Variants in FGD1 observed in about 807,000 individuals in gnomAD.
FGD1 encodes FYVE, RhoGEF and PH domain-containing protein 1.
In FGD1, 12 loss-of-function variants were observed where a neutral mutation model predicts 65.0. The observed-to-expected ratio is 0.18, with a 90% CI of 0.12 to 0.30. The LOEUF is 0.30. Ranked by LOEUF, FGD1 falls within the 10% of genes least tolerant of loss-of-function variation. The probability of loss-of-function intolerance (pLI) is 1.00; values close to 1 mark genes in which losing one functional copy is unlikely to be tolerated. For missense variants in FGD1, 542 were observed against 837.6 expected (o/e 0.65, Z 4.36); for synonymous variants, 333 against 343.9 (o/e 0.97, Z 0.35).
Position 54,470,120 on chromosome X carries a change from G to T in FGD1, c.997C>A (p.Gln333Lys). Residue 333 changes from glutamine to lysine, a missense_variant, in exon 4 of 18, where the codon CAA (glutamine) becomes AAA (lysine). By Grantham distance (53) the Gln-to-Lys change is moderately conservative. This residue lies in a region of FGD1 where 297 missense variants were observed against 326.8 expected (regional missense o/e 0.91). Coordinates refer to ENST00000375135, the MANE Select transcript of FGD1 (RefSeq NM_004463.3). The stretch of plus-strand genomic sequence containing the variant: ...TCCTCCAGGTCACTGTCAACCTCTT[G>T]GGAGCCAGGCCGGTGGGGGTCGGCC... Reference protein sequence around the residue: ...ALADPHRPGSQEVDSDLEEED... With the variant: ...ALADPHRPGSKEVDSDLEEED... 1 of 1,210,630 alleles carries T rather than the reference G, an allele frequency of 8.3e-7. No individual in the cohort carries two copies. The highest frequency in any genetic ancestry group is 1.1e-6 in the Non-Finnish European group (1 of 894,840).
intron 1 of FGD1, among the ~76,000 whole-genome samples, chrX:54,488,031 C>T (rs1384650162): frequency 2.8e-5 from 3 of 106,905 alleles, no homozygotes; most frequent in Non-Finnish European, 5.8e-5. Context: ...TTTGGGAGGC[C>T]GAGGCGGGCA....
At position 54,465,844 on chromosome X, in the gene FGD1, T is replaced by C. The variant is rs753921961; in HGVS notation, c.1349A>G (p.Tyr450Cys). ...LEKRMEEWDR[Y>C]PRIGDILQKL... Reference sequence around the variant, plus strand: ...CTGCAGGATGTCTCCAATGCGTGGATAGCGGTCCCTGGGGTGGAATTAGGG... The same window carrying C: ...CTGCAGGATGTCTCCAATGCGTGGACAGCGGTCCCTGGGGTGGAATTAGGG... Residue 450 changes from tyrosine (Y) to cysteine (C), a missense_variant, in exon 7 of 18, where the codon TAT becomes TGT. Tyr to Cys is a radical substitution (Grantham distance 194, BLOSUM62 -2). Around this residue, in one of 6 missense-constraint regions of FGD1, gnomAD observed 41 missense variants for 109.5 expected, o/e 0.37. Coordinates refer to ENST00000375135, the MANE Select transcript of FGD1 (RefSeq NM_004463.3). 8.3e-7 allele frequency: 1 copy of C among 1,211,550 alleles called. No individual in the cohort carries two copies. The highest frequency in any genetic ancestry group is 3.0e-5 in the East Asian group (1 of 33,831).
In FGD1 at chrX:54,453,008, TC is replaced by T. The variant is rs1246651618; in HGVS notation, c.2015+2439del. Among the ~76,000 whole-genome samples, 17 of 111,948 alleles carry T rather than the reference TC, an allele frequency of 1.5e-4. No homozygotes were observed. In the South Asian group the frequency reaches 6.4e-3, roughly 42 times the overall value. Reference sequence around the variant, plus strand: ...GAAAATTTGCATTAAATTTCTTTTTTCTTTTAAGGGCAGTAAAAGTGACTGC... The same window carrying T: ...GAAAATTTGCATTAAATTTCTTTTTTTTTTAAGGGCAGTAAAAGTGACTGC... On this transcript the variant is annotated intron_variant, in intron 12 of 17. Transcript: ENST00000375135.
chrX:54,483,510 C>T (rs975797985), intron 1 of FGD1, among the ~76,000 whole-genome samples: 3 of 112,581 alleles, frequency 2.7e-5, no homozygotes, highest in Non-Finnish European at 5.6e-5. Flanking sequence ...AGGCGCCTTC[C>T]CTCCGCGATT....
rs1379148928 is a variant in FGD1 at position 54,471,470 on chromosome X, G to T, written c.325C>A (p.Arg109=). 1.7e-6 allele frequency: 2 copies of T among 1,210,975 alleles called. No homozygotes were observed. The highest frequency in any genetic ancestry group is 2.2e-6 in the Non-Finnish European group (2 of 895,100). ...AGGGACAAACTTTTAACCAGGATCC[G>T]GTTTCCCTGGTGCAGCCCTGCAGGA... ...QPRPGLHQGN[R]ILVKSLSLDP... is the part of the protein sequence containing the mutation. Residue 109 remains arginine, a synonymous_variant, in exon 2 of 18, where the codon CGG becomes AGG. Coordinates refer to ENST00000375135, the MANE Select transcript of FGD1 (RefSeq NM_004463.3).
chrX:54,449,305 A>C (rs1007652169), intron 14 of FGD1, 37 bp from the exon 15 acceptor site: 3 of 1,205,155 alleles, frequency 2.5e-6, no homozygotes, highest in Non-Finnish European at 3.4e-6. Flanking sequence ...AGAGACAGCT[A>C]CTCCCCAGCC....
chrX:54,459,400 G>A (rs1371604256), intron 8 of FGD1, among the ~76,000 whole-genome samples: 1 of 110,896 alleles, frequency 9.0e-6, no homozygotes, highest in Admixed American at 9.7e-5. Flanking sequence ...GCGTTAGTGG[G>A]GCCTGGTCTG....
In FGD1 at chrX:54,496,167, G is replaced by T. The variant is rs1477001758; in HGVS notation, c.-735C>A. The T allele has an allele frequency of 9.0e-6, 1 of 110,768 alleles. No homozygotes were observed. Among genetic ancestry groups the T allele is most frequent in the Non-Finnish European group, 1.9e-5 (1 of 52,589 alleles). The allele number at this position is 110,768 out of a possible 1,213,427, so 9.1% of individuals were successfully genotyped here. The stretch of plus-strand genomic sequence containing the variant: ...CGGCGGCGGGCGGGAAGGAGCCCTG[G>T]GAAGGGGGGTGGGGAGGCGGGAGCC... On this transcript the variant is annotated 5_prime_UTR_variant, in exon 1 of 18. Coordinates refer to ENST00000375135, the MANE Select transcript of FGD1 (RefSeq NM_004463.3).
rs781618317 is a variant in FGD1 at position 54,470,088 on chromosome X, G to GTCC, written c.1026_1028dup (p.Glu342dup). On this transcript the variant is annotated inframe_insertion, in exon 4 of 18. Transcript: ENST00000375135. ...CCTTCTCTTCCTCCTCCTCCTCGTC[G>GTCC]TCCTCCTCCTCCAGGTCACTGTCAA... 3 of 1,209,737 alleles carry GTCC rather than the reference G, an allele frequency of 2.5e-6. No individual in the cohort carries two copies. The Admixed American group carries it at 6.5e-5, about 26-fold the overall frequency.
chrX:54,486,577 C>T (rs1923283005), intron 1 of FGD1, among the ~76,000 whole-genome samples: 1 of 110,529 alleles, frequency 9.0e-6, no homozygotes, highest in African/African-American at 3.3e-5. Flanking sequence ...GACAACATTA[C>T]GCCATGTTAG....
At chrX:54,465,039 T>G (rs187016411) in intron 8 of FGD1, among the ~76,000 whole-genome samples, 1 of 107,722 alleles carries the variant, frequency 9.3e-6, no homozygotes, top group Admixed American at 1.0e-4. Flanking sequence ...TTGGTACAAC[T>G]TCATTTGGGG....
At chrX:54,467,953 A>C in intron 5 of FGD1, 21 bp from the exon 6 acceptor site, 1 of 1,169,971 alleles carries the variant, frequency 8.5e-7, no homozygotes, top group Non-Finnish European at 1.1e-6. Context: ...GGGCAGAAGC[A>C]CTCAGCCCAG....
intron 12 of FGD1, among the ~76,000 whole-genome samples, chrX:54,451,040 C>G (rs1922364283): frequency 9.2e-6 from 1 of 108,987 alleles, no homozygotes; most frequent in Non-Finnish European, 1.9e-5. Flanking sequence ...CAGAGTGAGA[C>G]TCTGTCTCAA....
chrX:54,471,166 C>T (rs1413423566), intron 2 of FGD1, 148 bp downstream of exon 2: 1 of 598,335 alleles, frequency 1.7e-6, no homozygotes, highest in East Asian at 3.5e-5. Flanking sequence ...GGCCACAGCA[C>T]TCTGTGCACT....
chrX:54,481,465 A>G (rs1043803558), intron 1 of FGD1, among the ~76,000 whole-genome samples: 4 of 95,013 alleles, frequency 4.2e-5, no homozygotes, highest in Non-Finnish European at 8.4e-5. Context: ...GCATCCTCCT[A>G]ATGATCCGGT....
At chrX:54,477,511 C>A (rs1401230746) in intron 1 of FGD1, among the ~76,000 whole-genome samples, 1 of 109,413 alleles carries the variant, frequency 9.1e-6, no homozygotes, top group Non-Finnish European at 1.9e-5. Context: ...CTCACTGCAA[C>A]CTCCGACTCC....
At chrX:54,482,230 A>ACGCGCG (rs1179897715) in intron 1 of FGD1, among the ~76,000 whole-genome samples, 1 of 102,135 alleles carries the variant, frequency 9.8e-6, no homozygotes, top group African/African-American at 3.8e-5. Context: ...GCGCGCGCAC[A>ACGCGCG]CGCGCGCACA....
At chrX:54,449,005 C>A in intron 15 of FGD1, 38 bp from the exon 16 acceptor site, 1 of 1,203,389 alleles carries the variant, frequency 8.3e-7, no homozygotes, top group South Asian at 1.8e-5. Context: ...CTGATTCCAG[C>A]GGGTCTTCCC....
chrX:54,496,172 G>T lies in FGD1; in HGVS notation c.-740C>A, dbSNP rs897627729. 1 of 111,204 alleles carries T rather than the reference G, an allele frequency of 9.0e-6. No individual in the cohort carries two copies. Among genetic ancestry groups the T allele is most frequent in the Admixed American group, 9.4e-5 (1 of 10,651 alleles). The allele number at this position is 111,204 out of a possible 1,213,427, so 9.2% of individuals were successfully genotyped here. A position where few individuals can be genotyped will look rare whatever the true frequency, so the allele number is the denominator to read the frequency against. ...GCGGGCGGGAAGGAGCCCTGGGAAGGGGGGTGGGGAGGCGGGAGCCTCGCA... is the reference window on the plus strand; with the variant it reads ...GCGGGCGGGAAGGAGCCCTGGGAAGTGGGGTGGGGAGGCGGGAGCCTCGCA... On this transcript the variant is annotated 5_prime_UTR_variant, in exon 1 of 18. Coordinates refer to ENST00000375135, the MANE Select transcript of FGD1 (RefSeq NM_004463.3).
Sources: allele counts gnomAD v4.1 joint callset (sites outside exome capture counted in the v4.1 genomes callset), GRCh38; gene constraint gnomAD v4.1.1; regional missense constraint gnomAD v4.1.1; transcripts MANE v1.5; gene names NCBI Gene and HGNC (gene_info 2026-07-23, HGNC 2026-07-21).